PRPF3: variants seen among roughly 807,000 people sequenced by gnomAD.
The protein encoded by PRPF3 is U4/U6 small nuclear ribonucleoprotein Prp3.
In PRPF3, 3 loss-of-function variants were observed where a neutral mutation model predicts 89.2. The observed-to-expected ratio is 0.03, with a 90% CI of 0.02 to 0.09. The LOEUF is 0.09. PRPF3 is among the 10% of genes least tolerant of loss of function. PRPF3 has a pLI of 1.00. For synonymous variants in PRPF3, 270 were observed against 289.1 expected (o/e 0.93, Z 0.67); for missense variants, 463 against 828.8 (o/e 0.56, Z 5.42).
intron 1 of PRPF3, among the ~76,000 whole-genome samples, chr1:150,323,726 T>C (rs1192597908): frequency 6.6e-6 from 1 of 151,524 alleles, no homozygotes; most frequent in African/African-American, 2.4e-5. Context: ...ATTACCTGTA[T>C]GCAGAATTCC....
chr1:150,335,462 TTTA>T (rs1237163740), intron 7 of PRPF3, among the ~76,000 whole-genome samples: 2 of 152,062 alleles, frequency 1.3e-5, no homozygotes, highest in Non-Finnish European at 2.9e-5. Context: ...TATTGTGTAC[TTTA>T]TTATTATTAT....
In PRPF3 at chr1:150,333,101, A is replaced by G; in HGVS notation, c.630A>G (p.Gln210=). Residue 210 remains glutamine, a synonymous_variant, in exon 6 of 16, where the codon CAA becomes CAG. Coordinates refer to ENST00000324862, the MANE Select transcript of PRPF3 (RefSeq NM_004698.4). ...AGGCAAGGAAAGCAGCTGAACTGCAAGCTCGAATCCAAGCCCAGCTGGCAC... is the reference window on the plus strand; with the variant it reads ...AGGCAAGGAAAGCAGCTGAACTGCAGGCTCGAATCCAAGCCCAGCTGGCAC... ...IEKARKAAEL[Q]ARIQAQLALK... The G allele has an allele frequency of 6.2e-7, 1 of 1,614,258 alleles. No individual in the cohort carries two copies. Among genetic ancestry groups the G allele is most frequent in the South Asian group, 1.1e-5 (1 of 91,092 alleles).
intron 12 of PRPF3, 88 bp downstream of exon 12, chr1:150,344,635 C>T: frequency 7.4e-7 from 1 of 1,356,474 alleles, no homozygotes; most frequent in Non-Finnish European, 1.0e-6. Flanking sequence ...GGCCTAAAAG[C>T]ATACCTAACA....
At chr1:150,327,959 G>T in intron 3 of PRPF3, 1 of 305,834 alleles carries the variant, frequency 3.3e-6, no homozygotes, top group Non-Finnish European at 6.3e-6. Flanking sequence ...TAATCAGAGT[G>T]GGATAGGTTA....
chr1:150,324,956 A>G lies in PRPF3; in HGVS notation c.14A>G (p.Lys5Arg). 1 of 1,610,256 alleles carries G rather than the reference A, an allele frequency of 6.2e-7. No individual in the cohort carries two copies. Among genetic ancestry groups the G allele is most frequent in the Non-Finnish European group, 8.5e-7 (1 of 1,178,716 alleles). The change falls in exon 2 of 16, where the codon AAG (lysine) becomes AGG (arginine). Residue 5 changes from lysine (K) to arginine (R), a missense_variant. Lys to Arg is a conservative substitution (Grantham distance 26, BLOSUM62 2). Transcript: ENST00000324862. MALS[K>R]RELDELKPWI... ...TTTTCCTGAAAAATGGCACTGTCAA[A>G]GAGGGAGCTGGATGAGCTGAAACCA... is the stretch of plus-strand genomic sequence containing the variant.
intron 9 of PRPF3, among the ~76,000 whole-genome samples, chr1:150,341,105 C>CAAAAAAAAAAA (rs71086503): frequency 4.6e-5 from 4 of 86,700 alleles, no homozygotes; most frequent in Admixed American, 1.5e-4. Flanking sequence ...GACCTTGTCT[C>CAAAAAAAAAAA]AAAAAAAAAA....
At chr1:150,348,189 C>A (rs1658488708) in intron 14 of PRPF3, among the ~76,000 whole-genome samples, 1 of 151,734 alleles carries the variant, frequency 6.6e-6, no homozygotes, top group African/African-American at 2.4e-5. Flanking sequence ...TTGAGACCAG[C>A]CTGACATGGT....
Position 150,335,228 on chromosome 1 carries a change from G to A in PRPF3, c.1022G>A (p.Arg341Gln), listed in dbSNP as rs1656838476. The A allele has an allele frequency of 6.8e-6, 11 of 1,613,966 alleles. No homozygotes were observed. Among genetic ancestry groups the A allele is most frequent in the Non-Finnish European group, 9.3e-6 (11 of 1,179,910 alleles). The change falls in exon 7 of 16, where the codon CGA becomes CAA. Residue 341 changes from arginine (R) to glutamine (Q), a missense_variant. Arg to Gln is a conservative substitution (Grantham distance 43, BLOSUM62 1). This residue lies in a region of PRPF3 where 261 missense variants were observed against 475.8 expected (regional missense o/e 0.55). Coordinates refer to ENST00000324862, the MANE Select transcript of PRPF3 (RefSeq NM_004698.4). ...GGCAAATTTGAGAAGATTGCTCAGCGATTACGGACAAAGGTATCTGGCTTA... is the reference window on the plus strand; with the variant it reads ...GGCAAATTTGAGAAGATTGCTCAGCAATTACGGACAAAGGTATCTGGCTTA... ...DKGKFEKIAQRLRTKAQLEKL... is the reference protein window; with the variant it reads ...DKGKFEKIAQQLRTKAQLEKL...
intron 6 of PRPF3, 37 bp downstream of exon 6, chr1:150,333,236 G>T (rs1553866250): frequency 1.3e-6 from 2 of 1,597,178 alleles, no homozygotes. Context: ...TTTCATTTCT[G>T]AAGTTTGAGA....
intron 11 of PRPF3, 56 bp downstream of exon 11, chr1:150,344,317 C>G: frequency 1.2e-6 from 2 of 1,613,710 alleles, no homozygotes; most frequent in Non-Finnish European, 1.7e-6. Context: ...CCAAACTCTT[C>G]TGGGGGGTCC....
At chr1:150,331,316 C>T (rs1656354898) in intron 4 of PRPF3, among the ~76,000 whole-genome samples, 1 of 152,118 alleles carries the variant, frequency 6.6e-6, no homozygotes, top group Non-Finnish European at 1.5e-5. Context: ...GGATTACAGG[C>T]GTGAGCCACC....
intron 7 of PRPF3, among the ~76,000 whole-genome samples, chr1:150,337,356 C>G (rs782628527): frequency 6.6e-6 from 1 of 151,896 alleles, no homozygotes; most frequent in African/African-American, 2.4e-5. Flanking sequence ...TCTATTTCTG[C>G]GTATTTACTG....
At chr1:150,323,172 G>GTTTTTTTTTT in intron 1 of PRPF3, among the ~76,000 whole-genome samples, 1 of 26,968 alleles carries the variant, frequency 3.7e-5, no homozygotes, top group Non-Finnish European at 7.0e-5. Flanking sequence ...ACCGCACCTG[G>GTTTTTTTTTT]CTTTTTTTTT....
In PRPF3 at chr1:150,353,029, C is replaced by T; in HGVS notation, c.*50C>T. On this transcript the variant is annotated 3_prime_UTR_variant, in exon 16 of 16. Coordinates refer to ENST00000324862, the MANE Select transcript of PRPF3 (RefSeq NM_004698.4). The stretch of plus-strand genomic sequence containing the variant: ...CTCCCTTGCCTTTGTCTCTTCAGTC[C>T]TCTCACTTATTCTATTTCCCAACCC... The T allele has an allele frequency of 6.2e-7, 1 of 1,609,746 alleles. No homozygotes were observed. Among genetic ancestry groups the T allele is most frequent in the Middle Eastern group, 1.7e-4 (1 of 5,764 alleles).
intron 15 of PRPF3, among the ~76,000 whole-genome samples, chr1:150,351,136 G>A (rs1475190443): frequency 2.0e-5 from 3 of 151,778 alleles, no homozygotes; most frequent in Admixed American, 6.6e-5. Flanking sequence ...GTGGTGGCCA[G>A]TGCCTATAAT....
At chr1:150,332,951 C>A (rs782112786) in intron 5 of PRPF3, 28 bp from the exon 6 acceptor site, 2 of 1,590,794 alleles carry the variant, frequency 1.3e-6, no homozygotes, top group African/African-American at 2.7e-5. Flanking sequence ...GTCTTAATTC[C>A]TCTGATTTCT....
chr1:150,323,155 G>T (rs587713201), intron 1 of PRPF3, among the ~76,000 whole-genome samples: 1 of 134,802 alleles, frequency 7.4e-6, no homozygotes, highest in African/African-American at 2.7e-5. Context: ...GATTACAGGC[G>T]TGAGCCACCG....
Position 150,332,673 on chromosome 1 carries a change from C to G in PRPF3, c.424-11C>G, listed in dbSNP as rs782092024. On this transcript the variant is annotated splice_polypyrimidine_tract_variant and intron_variant, in intron 4 of 15. Transcript: ENST00000324862. ...AATTAACAGTTTTTCAATTTTTTTC[C>G]TGGAGAGCAGATCAAACAGATGATG... The G allele has an allele frequency of 6.2e-7, 1 of 1,613,646 alleles. No individual in the cohort carries two copies.
At chr1:150,322,888 T>TG (rs1553862531) in intron 1 of PRPF3, among the ~76,000 whole-genome samples, 2 of 150,946 alleles carry the variant, frequency 1.3e-5, no homozygotes, top group Admixed American at 6.6e-5. Context: ...TTTTTTTTTT[T>TG]CCCCGGGACG....
Sources: allele counts gnomAD v4.1 joint callset (sites outside exome capture counted in the v4.1 genomes callset), GRCh38; gene constraint gnomAD v4.1.1; regional missense constraint gnomAD v4.1.1; transcripts MANE v1.5; gene names NCBI Gene and HGNC (gene_info 2026-07-23, HGNC 2026-07-21).